RBFOX1: variants seen among roughly 807,000 people sequenced by gnomAD.
The protein encoded by RBFOX1 is RNA binding protein fox-1 homolog 1.
In RBFOX1, 8 loss-of-function variants were observed where a neutral mutation model predicts 57.7. The ratio of observed to expected loss-of-function variants is 0.14; its 90% CI spans 0.08 to 0.25. The LOEUF (loss-of-function observed/expected upper bound fraction) is 0.25, where lower values mean the gene tolerates loss of function less well. Ranked by LOEUF, RBFOX1 falls within the 10% of genes least tolerant of loss-of-function variation. The pLI, the probability that RBFOX1 is intolerant of heterozygous loss-of-function variation, is 1.00. For synonymous variants in RBFOX1, 326 were observed against 222.4 expected, an observed-to-expected ratio of 1.47 and a Z score of -4.15; for missense variants, 611 against 548.5, an observed-to-expected ratio of 1.11 and a Z score of -1.14.
chr16:6,805,067 T>C (rs1295405670), intron 3 of RBFOX1, among the ~76,000 whole-genome samples: 3 of 152,180 alleles, frequency 2.0e-5, no homozygotes, highest in Non-Finnish European at 2.9e-5. Flanking sequence ...ATATAAATTA[T>C]TCTACCATAA....
chr16:6,884,834 G>A (rs1382581250), intron 3 of RBFOX1, among the ~76,000 whole-genome samples: 1 of 152,150 alleles, frequency 6.6e-6, no homozygotes, highest in Non-Finnish European at 1.5e-5. Flanking sequence ...GGAGGTGGAG[G>A]TGGCAGTCAG....
At chr16:7,538,787 C>G (rs2082152425) in intron 5 of RBFOX1, among the ~76,000 whole-genome samples, 1 of 152,030 alleles carries the variant, frequency 6.6e-6, no homozygotes. Context: ...GAGTAAGTTC[C>G]AAGGTTTCCC....
intron 2 of RBFOX1, among the ~76,000 whole-genome samples, chr16:6,395,814 C>T (rs949064302): frequency 2.0e-5 from 3 of 151,988 alleles, no homozygotes; most frequent in Non-Finnish European, 2.9e-5. Flanking sequence ...CTTGTAATCC[C>T]AGCAGTTTTG....
chr16:6,812,253 A>T (rs969755566), intron 3 of RBFOX1, among the ~76,000 whole-genome samples: 12 of 152,218 alleles, frequency 7.9e-5, no homozygotes, highest in African/African-American at 2.9e-4. Flanking sequence ...TTGTTAAGAA[A>T]TTTGTTCAAA....
At chr16:5,974,710 T>C (rs2060028120) in intron 4 of RBFOX1, among the ~76,000 whole-genome samples, 1 of 152,092 alleles carries the variant, frequency 6.6e-6, no homozygotes, top group African/African-American at 2.4e-5. Context: ...AACTTTACTA[T>C]TTAAAAGTAA....
At chr16:7,567,339 CTA>C (rs200770655) in intron 5 of RBFOX1, among the ~76,000 whole-genome samples, 5 of 111,726 alleles carry the variant, frequency 4.5e-5, no homozygotes, top group Non-Finnish European at 7.2e-5. Flanking sequence ...ATATATGGCC[CTA>C]TATATATATC....
intron 1 of RBFOX1, among the ~76,000 whole-genome samples, chr16:6,235,371 C>T (rs1441735743): frequency 6.6e-6 from 1 of 152,112 alleles, no homozygotes; most frequent in Non-Finnish European, 1.5e-5. Context: ...CCACCAGCCC[C>T]AGCTGTCTGT....
rs1250190342 is a variant in RBFOX1 at position 6,806,817 on chromosome 16, A to AATATAT, written c.-16+152182_-16+152187dup. The stretch of plus-strand genomic sequence containing the variant: ...ATTTATATATATAAATAAATATATA[A>AATATAT]ATATATATATATATATATATTTTTT... On this transcript the variant is annotated intron_variant, in intron 3 of 15. Coordinates refer to ENST00000550418, the MANE Select transcript of RBFOX1 (RefSeq NM_018723.4). 1.2e-3 allele frequency among the ~76,000 whole-genome samples: 100 copies of AATATAT among 85,116 alleles called. 1 individual carries two copies. The highest frequency in any genetic ancestry group is 6.5e-3 in the Middle Eastern group (1 of 154). 55.8% of individuals were successfully genotyped at this position (85,116 alleles called of 152,430 possible). A position where few individuals can be genotyped will look rare whatever the true frequency, so the allele number is the denominator to read the frequency against.
intron 3 of RBFOX1, among the ~76,000 whole-genome samples, chr16:5,797,577 C>T (rs1458725360): frequency 1.3e-5 from 2 of 152,160 alleles, no homozygotes; most frequent in Admixed American, 1.3e-4. Context: ...TGAGCCCAGC[C>T]CTAAGCTGAT....
intron 1 of RBFOX1, among the ~76,000 whole-genome samples, chr16:6,237,597 T>G (rs866464124): frequency 6.6e-6 from 1 of 151,676 alleles, no homozygotes; most frequent in African/African-American, 2.4e-5. Context: ...CAAAAATTAG[T>G]GGGGCGTGGT....
At chr16:6,891,948 G>A (rs1033565590) in intron 3 of RBFOX1, among the ~76,000 whole-genome samples, 1 of 152,172 alleles carries the variant, frequency 6.6e-6, no homozygotes, top group Admixed American at 6.5e-5. Context: ...AGAAGGAGCT[G>A]TGGCTGGTTG....
At chr16:7,512,822 C>T (rs533875500) in intron 4 of RBFOX1, among the ~76,000 whole-genome samples, 53 of 152,324 alleles carry the variant, frequency 3.5e-4, no homozygotes, top group African/African-American at 1.3e-3. Context: ...CCACTCCTTT[C>T]GAATGGTCAC....
At chr16:5,836,659 G>A (rs775247401) in intron 3 of RBFOX1, among the ~76,000 whole-genome samples, 2 of 152,142 alleles carry the variant, frequency 1.3e-5, no homozygotes. Context: ...TTTGGGGGCT[G>A]GGTTATTCTT....
At chr16:5,749,297 A>AT (rs1405555709) in intron 3 of RBFOX1, among the ~76,000 whole-genome samples, 1 of 151,684 alleles carries the variant, frequency 6.6e-6, no homozygotes, top group Non-Finnish European at 1.5e-5. Flanking sequence ...TGCCCTTAAC[A>AT]TTTTTTCCTT....
At chr16:7,197,456 A>AC (rs1178293743) in intron 4 of RBFOX1, among the ~76,000 whole-genome samples, 1 of 151,888 alleles carries the variant, frequency 6.6e-6, no homozygotes, top group African/African-American at 2.4e-5. Flanking sequence ...AAAAAAAAAA[A>AC]AAAAAACATC....
At chr16:6,525,011 A>C (rs115149221) in intron 2 of RBFOX1, among the ~76,000 whole-genome samples, 1,934 of 152,136 alleles carry the variant, frequency 0.013, 37 homozygotes, top group African/African-American at 0.042. Context: ...TTCAGAGGAC[A>C]CTCTTAGTAC....
intron 3 of RBFOX1, among the ~76,000 whole-genome samples, chr16:6,870,287 G>A (rs1044617746): frequency 1.3e-5 from 2 of 152,040 alleles, no homozygotes; most frequent in African/African-American, 4.8e-5. Context: ...GAAAAAATCC[G>A]TGCCTTTTTG....
chr16:6,881,581 C>G (rs1357860263), intron 3 of RBFOX1, among the ~76,000 whole-genome samples: 2 of 152,190 alleles, frequency 1.3e-5, no homozygotes, highest in African/African-American at 4.8e-5. Context: ...ACACTCCAGT[C>G]ATACTGGCTT....
chr16:5,284,539 C>CT (rs67592139), intron 1 of RBFOX1, among the ~76,000 whole-genome samples: 49 of 134,464 alleles, frequency 3.6e-4, no homozygotes, highest in African/African-American at 7.3e-4. Flanking sequence ...AATATTTTTT[C>CT]TTTTTTTTTT....
Sources: allele counts gnomAD v4.1 joint callset (sites outside exome capture counted in the v4.1 genomes callset), GRCh38; gene constraint gnomAD v4.1.1; transcripts MANE v1.5; gene names NCBI Gene and HGNC (gene_info 2026-07-23, HGNC 2026-07-21).